DMGDH: variants seen among roughly 807,000 people sequenced by gnomAD.
The protein encoded by DMGDH is dimethylglycine dehydrogenase, mitochondrial.
Under a neutral mutation model 95.2 loss-of-function variants are expected in DMGDH, and 76 were observed. The observed-to-expected ratio is 0.80, with a 90% CI of 0.66 to 0.97. The LOEUF is 0.97. Ranked by LOEUF, DMGDH falls within the 50% of genes least tolerant of loss-of-function variation. The pLI is 0.00. For missense variants in DMGDH, 987 were observed against 1,055.0 expected (o/e 0.94, Z 0.89); for synonymous variants, 345 against 377.6 (o/e 0.91, Z 1.00).
intron 9 of DMGDH, 89 bp downstream of exon 9, chr5:79,032,598 A>C (rs1754210490): frequency 2.6e-6 from 4 of 1,546,918 alleles, no homozygotes; most frequent in Non-Finnish European, 3.6e-6. Flanking sequence ...GGGTGGAGCA[A>C]TGGAGTGTAA....
In DMGDH at chr5:79,061,256, CACACACACACA is replaced by C. The variant is rs1378345484; in HGVS notation, c.276+2346_276+2356del. Among the ~76,000 whole-genome samples, 37 of 144,618 alleles carry C rather than the reference CACACACACACA, an allele frequency of 2.6e-4. 1 individual carries two copies. The highest frequency in any genetic ancestry group is 8.0e-4 in the African/African-American group (28 of 35,170). 94.9% of individuals were successfully genotyped at this position (144,618 alleles called of 152,430 possible). ...ACACACACACACACACACACACACA[CACACACACACA>C]AACACCTAATATGTTGGATTTCTTC... On this transcript the variant is annotated intron_variant, in intron 2 of 15. Coordinates refer to ENST00000255189, the MANE Select transcript of DMGDH (RefSeq NM_013391.3).
chr5:79,049,614 A>T (rs571432333), intron 5 of DMGDH, among the ~76,000 whole-genome samples: 90 of 152,346 alleles, frequency 5.9e-4, no homozygotes, highest in Admixed American at 1.8e-3. Flanking sequence ...ATTACAAAGA[A>T]TCCTTGCTAC....
intron 5 of DMGDH, among the ~76,000 whole-genome samples, chr5:79,049,279 A>C (rs918463512): frequency 6.8e-6 from 1 of 148,088 alleles, no homozygotes; most frequent in African/African-American, 2.7e-5. Flanking sequence ...GTTTAGAAAA[A>C]AAATGTATTA....
intron 7 of DMGDH, 113 bp downstream of exon 7, chr5:79,042,166 CTCTT>C (rs1754527460): frequency 4.1e-6 from 4 of 986,246 alleles, no homozygotes; most frequent in Non-Finnish European, 3.1e-6. Flanking sequence ...CTCTCTGTTT[CTCTT>C]TCTCTCTCTC....
chr5:79,066,834 T>C (rs1350497213), intron 1 of DMGDH, among the ~76,000 whole-genome samples: 1 of 152,212 alleles, frequency 6.6e-6, no homozygotes, highest in Non-Finnish European at 1.5e-5. Context: ...TACCATTTTT[T>C]CCTTTGTATA....
intron 7 of DMGDH, among the ~76,000 whole-genome samples, chr5:79,038,540 C>A (rs752195998): frequency 2.6e-5 from 4 of 152,024 alleles, no homozygotes; most frequent in Non-Finnish European, 4.4e-5. Context: ...GATGAAGGAA[C>A]AGAATTGAGA....
rs968162857 is a variant in DMGDH at position 79,063,492 on chromosome 5, C to T, written c.276+121G>A. 29 of 1,145,866 alleles carry T rather than the reference C, an allele frequency of 2.5e-5. No homozygotes were observed. In the African/African-American group the frequency reaches 3.8e-4, roughly 15 times the overall value. The allele number at this position is 1,145,866 out of a possible 1,614,324, so 71.0% of individuals were successfully genotyped here. A position where few individuals can be genotyped will look rare whatever the true frequency, so the allele number is the denominator to read the frequency against. On this transcript the variant is annotated intron_variant, in intron 2 of 15. Coordinates refer to ENST00000255189, the MANE Select transcript of DMGDH (RefSeq NM_013391.3). ...ACCAGTTAAACTACAACTGCACTTCCAACGCTATTGAAGGGGAACGCACTC... is the reference window on the plus strand; with the variant it reads ...ACCAGTTAAACTACAACTGCACTTCTAACGCTATTGAAGGGGAACGCACTC...
intron 15 of DMGDH, chr5:79,000,728 T>C: frequency 1.6e-6 from 1 of 629,396 alleles, no homozygotes. Context: ...TAAAGAATAC[T>C]TTCACCAATA....
chr5:79,021,663 C>G (rs75140712), intron 14 of DMGDH: 194 of 1,312,414 alleles, frequency 1.5e-4, no homozygotes, highest in Non-Finnish European at 1.9e-4. Flanking sequence ...TTAAAATGGG[C>G]AAAGCAGCTA....
rs1163482941 is a variant in DMGDH at position 79,026,542 on chromosome 5, G to C, written c.2072C>G (p.Ser691Cys). Residue 691 changes from serine to cysteine, a missense_variant, in exon 13 of 16, where the codon TCT (serine) becomes TGT (cysteine). By Grantham distance (112) the Ser-to-Cys change is moderately radical (BLOSUM62 -1). Coordinates refer to ENST00000255189, the MANE Select transcript of DMGDH (RefSeq NM_013391.3). Reference sequence around the variant, plus strand: ...CATGATAGCGTCATACAGCGCCACAGAATCTTCTCTTCTGTGATACAGCTC... The same window carrying C: ...CATGATAGCGTCATACAGCGCCACACAATCTTCTCTTCTGTGATACAGCTC... ...GWELYHRRED[S>C]VALYDAIMNA... 6.2e-7 allele frequency: 1 copy of C among 1,614,004 alleles called. No individual in the cohort carries two copies. The highest frequency in any genetic ancestry group is 8.5e-7 in the Non-Finnish European group (1 of 1,180,026).
chr5:79,035,967 T>A (rs545284573), intron 7 of DMGDH, among the ~76,000 whole-genome samples: 7 of 152,316 alleles, frequency 4.6e-5, no homozygotes, highest in African/African-American at 1.7e-4. Context: ...AGAAAACATC[T>A]CTGGAGAATC....
At chr5:79,063,809 T>G (rs549876152) in intron 1 of DMGDH, 22 bp from the exon 2 acceptor site, 1 of 1,613,618 alleles carries the variant, frequency 6.2e-7, no homozygotes, top group South Asian at 1.1e-5. Context: ...AAAGTTAAAA[T>G]GGGAACTTCA....
At chr5:79,063,520 A>C in intron 2 of DMGDH, 93 bp downstream of exon 2, 3 of 1,490,006 alleles carry the variant, frequency 2.0e-6, no homozygotes, top group Non-Finnish European at 2.8e-6. Context: ...ACGCACTCTA[A>C]AGAGCTCACA....
intron 1 of DMGDH, among the ~76,000 whole-genome samples, chr5:79,068,037 C>G (rs930403577): frequency 6.6e-6 from 1 of 152,110 alleles, no homozygotes; most frequent in Non-Finnish European, 1.5e-5. Flanking sequence ...CCCGCCTCAG[C>G]CTCCCAAGCA....
chr5:79,042,530 G>C (rs1754540403), intron 6 of DMGDH, 49 bp from the exon 7 acceptor site: 3 of 1,568,928 alleles, frequency 1.9e-6, no homozygotes, highest in Non-Finnish European at 2.6e-6. Flanking sequence ...GAGCTGACAA[G>C]TCCTGTAAAG....
In DMGDH at chr5:79,033,249, G is replaced by C; in HGVS notation, c.1353C>G (p.Phe451Leu). The change falls in exon 8 of 16, where the codon TTC (phenylalanine) becomes TTG (leucine). Residue 451 changes from phenylalanine (F) to leucine (L), a missense_variant. Physicochemically the swap from Phe to Leu is conservative, Grantham distance 22. Transcript: ENST00000255189. ...ACATTTGTACCTTACCAATATTGTT[G>C]AATCCATATGATTCTCTTGCTTTGG... ...TEAKARESYG[F>L]NNIVGYPKEE... 2 of 1,614,062 alleles carry C rather than the reference G, an allele frequency of 1.2e-6. No homozygotes were observed. The highest frequency in any genetic ancestry group is 8.5e-7 in the Non-Finnish European group (1 of 1,180,006).
intron 15 of DMGDH, chr5:79,001,222 G>A: frequency 2.9e-6 from 1 of 339,572 alleles, no homozygotes; most frequent in Admixed American, 4.6e-5. Flanking sequence ...GAGTGCAGAG[G>A]CGCAATCTTG....
At chr5:79,019,817 G>A (rs1376264052) in intron 14 of DMGDH, among the ~76,000 whole-genome samples, 3 of 152,266 alleles carry the variant, frequency 2.0e-5, no homozygotes, top group East Asian at 1.9e-4. Context: ...CCTGGGAGGC[G>A]AAGGTTGTAG....
At position 79,032,724 on chromosome 5, in the gene DMGDH, G is replaced by A. The variant is rs774911260; in HGVS notation, c.1480C>T (p.His494Tyr). ...MGFHAGWEQP[H>Y]WFYKPGQDTQ... ...TCCTGGCCTGGTTTGTAGAACCAGT[G>A]CGGCTGCTCCCAGCCAGCATGGAAC... Residue 494 changes from histidine (H) to tyrosine (Y), a missense_variant, in exon 9 of 16, where the codon CAC becomes TAC. Coordinates refer to ENST00000255189, the MANE Select transcript of DMGDH (RefSeq NM_013391.3). 1 of 1,614,148 alleles carries A rather than the reference G, an allele frequency of 6.2e-7. No homozygotes were observed. Among genetic ancestry groups the A allele is most frequent in the Non-Finnish European group, 8.5e-7 (1 of 1,180,032 alleles).
Sources: allele counts gnomAD v4.1 joint callset (sites outside exome capture counted in the v4.1 genomes callset), GRCh38; gene constraint gnomAD v4.1.1; transcripts MANE v1.5; gene names NCBI Gene and HGNC (gene_info 2026-07-23, HGNC 2026-07-21).